NAV2: variants seen among roughly 807,000 people sequenced by gnomAD.
NAV2 encodes the protein neuron navigator 2, also known as helicase, APC down-regulated 1.
In NAV2, 54 loss-of-function variants were observed where a neutral mutation model predicts 223.2. The ratio of observed to expected loss-of-function variants is 0.24; its 90% CI spans 0.19 to 0.30. The LOEUF (loss-of-function observed/expected upper bound fraction) is 0.30. NAV2 is among the 10% of genes least tolerant of loss of function. The pLI is 1.00. For missense variants in NAV2, 2,806 were observed against 3,147.5 expected, an observed-to-expected ratio of 0.89 and a Z score of 2.60; for synonymous variants, 1,279 against 1,239.3, an observed-to-expected ratio of 1.03 and a Z score of -0.67.
intron 1 of NAV2, among the ~76,000 whole-genome samples, chr11:19,592,802 C>T (rs1279605734): frequency 6.6e-6 from 1 of 152,196 alleles, no homozygotes; most frequent in Non-Finnish European, 1.5e-5. Context: ...CATTTAGGCA[C>T]TGCTCTAAGC....
chr11:20,069,695 A>G (rs1434364812), intron 22 of NAV2, among the ~76,000 whole-genome samples: 2 of 152,130 alleles, frequency 1.3e-5, no homozygotes, highest in Non-Finnish European at 2.9e-5. Flanking sequence ...CCGTTGATAA[A>G]CGTGTTCAAG....
chr11:19,939,244 G>A (rs2046196295), intron 7 of NAV2, among the ~76,000 whole-genome samples: 3 of 152,156 alleles, frequency 2.0e-5, no homozygotes, highest in Admixed American at 2.0e-4. Flanking sequence ...GAATTTTGGG[G>A]TGGGGGAGCT....
chr11:19,387,684 A>G (rs1347617943), intron 1 of NAV2, among the ~76,000 whole-genome samples: 1 of 152,202 alleles, frequency 6.6e-6, no homozygotes, highest in Non-Finnish European at 1.5e-5. Context: ...GACTGGAGCC[A>G]TTTTAATGCC....
At chr11:19,620,648 A>T (rs994118486) in intron 1 of NAV2, among the ~76,000 whole-genome samples, 2 of 152,228 alleles carry the variant, frequency 1.3e-5, no homozygotes, top group African/African-American at 4.8e-5. Flanking sequence ...TATCAGCTTA[A>T]CGAGATTTAG....
intron 1 of NAV2, among the ~76,000 whole-genome samples, chr11:19,656,372 C>T (rs894163491): frequency 4.6e-5 from 7 of 152,174 alleles, no homozygotes; most frequent in Non-Finnish European, 8.8e-5. Context: ...GCAGAAGGGC[C>T]ATCAAATGCA....
In NAV2 at chr11:19,832,472, C is replaced by T. The variant is rs747044924; in HGVS notation, c.268-12C>T. The T allele has an allele frequency of 5.1e-6, 8 of 1,583,766 alleles. No homozygotes were observed. In the South Asian group the frequency reaches 7.8e-5, roughly 15 times the overall value. On this transcript the variant is annotated splice_polypyrimidine_tract_variant and intron_variant, in intron 1 of 37. Coordinates refer to ENST00000349880, the MANE Select transcript of NAV2 (RefSeq NM_145117.5). ...CTGGCTTCCTAAAGTTGCCTGTTTG[C>T]TTTTTTTACAGATCTACACAGACTG...
intron 1 of NAV2, among the ~76,000 whole-genome samples, chr11:19,582,763 C>T (rs2045762670): frequency 6.6e-6 from 1 of 152,186 alleles, no homozygotes; most frequent in South Asian, 2.1e-4. Context: ...GTTTTGGTTA[C>T]TGTAGCCTTG....
intron 27 of NAV2, 114 bp downstream of exon 27, chr11:20,091,132 T>C (rs1592099716): frequency 3.9e-5 from 42 of 1,085,424 alleles, no homozygotes; most frequent in African/African-American, 1.6e-5. Context: ...GCCCTCGCTT[T>C]CCCAGCCTTT....
At chr11:19,594,043 T>G (rs1189006682) in intron 1 of NAV2, among the ~76,000 whole-genome samples, 1 of 152,068 alleles carries the variant, frequency 6.6e-6, no homozygotes, top group Non-Finnish European at 1.5e-5. Flanking sequence ...ATGAGGAAGT[T>G]AGGGCACTGA....
chr11:19,430,068 G>A (rs941479414), intron 1 of NAV2, among the ~76,000 whole-genome samples: 2 of 152,174 alleles, frequency 1.3e-5, no homozygotes, highest in Non-Finnish European at 2.9e-5. Flanking sequence ...AGTTCAGGGA[G>A]CAATGGTGGG....
At chr11:19,473,281 A>T (rs10500849) in intron 1 of NAV2, among the ~76,000 whole-genome samples, 13,267 of 151,816 alleles carry the variant, frequency 0.087, 661 homozygotes, top group Admixed American at 0.13. Context: ...TAGGTCAGAC[A>T]TAGGCTCAGG....
chr11:19,678,614 A>T lies in NAV2; in HGVS notation c.76-153870A>T, dbSNP rs562185264. ...GAACCCGCGTCTGAGGAGCCCGCAGATGGGAAGGCAGCAGCTGTGTGATCA... is the reference window on the plus strand; with the variant it reads ...GAACCCGCGTCTGAGGAGCCCGCAGTTGGGAAGGCAGCAGCTGTGTGATCA... On this transcript the variant is annotated intron_variant, in intron 1 of 37. Coordinates refer to the NAV2 transcript ENST00000360655. Among the ~76,000 whole-genome samples, 6 of 152,356 alleles carry T rather than the reference A, an allele frequency of 3.9e-5. No individual in the cohort carries two copies. The South Asian group carries it at 1.0e-3, about 26-fold the overall frequency.
intron 1 of NAV2, among the ~76,000 whole-genome samples, chr11:19,363,543 A>G (rs1854084344): frequency 6.6e-6 from 1 of 152,174 alleles, no homozygotes; most frequent in Admixed American, 6.5e-5. Flanking sequence ...ATTGTGATTC[A>G]TTTCTATCCA....
intron 11 of NAV2, among the ~76,000 whole-genome samples, chr11:20,035,314 AAAAG>A (rs1158208683): frequency 6.6e-6 from 1 of 152,202 alleles, no homozygotes; most frequent in Non-Finnish European, 1.5e-5. Flanking sequence ...TACAAAAGAA[AAAAG>A]AAAGAAAGAA....
At chr11:20,021,963 C>G (rs185705053) in intron 11 of NAV2, among the ~76,000 whole-genome samples, 1 of 152,204 alleles carries the variant, frequency 6.6e-6, no homozygotes, top group African/African-American at 2.4e-5. Flanking sequence ...ACAGAGACCT[C>G]GCTTGGAGCC....
At position 20,106,208 on chromosome 11, in the gene NAV2, T is replaced by G. The variant is rs1442828676; in HGVS notation, c.6841+481T>G. 6.8e-4 allele frequency among the ~76,000 whole-genome samples: 65 copies of G among 95,076 alleles called. 3 individuals carry two copies. Among genetic ancestry groups the G allele is most frequent in the African/African-American group, 2.7e-3 (65 of 23,688 alleles). The allele number at this position is 95,076 out of a possible 152,430, so 62.4% of individuals were successfully genotyped here. A position where few individuals can be genotyped will look rare whatever the true frequency, so the allele number is the denominator to read the frequency against. On this transcript the variant is annotated intron_variant, in intron 35 of 37. Coordinates refer to ENST00000349880, the MANE Select transcript of NAV2 (RefSeq NM_145117.5). ...GTATATATATATATATATATATATA[T>G]ATATATATATATATATATATATGCT... is the stretch of plus-strand genomic sequence containing the variant.
intron 20 of NAV2, among the ~76,000 whole-genome samples, chr11:20,064,004 C>T (rs1399002417): frequency 1.3e-5 from 2 of 152,204 alleles, no homozygotes; most frequent in African/African-American, 4.8e-5. Context: ...CCTCACCCCT[C>T]CAACTCTAAA....
intron 22 of NAV2, among the ~76,000 whole-genome samples, chr11:20,071,635 AC>A (rs36072240): frequency 0.34 from 51,061 of 152,014 alleles, 9,577 homozygotes; most frequent in African/African-American, 0.51. Flanking sequence ...TTGTTCCTTG[AC>A]TTTTTAATGA....
intron 3 of NAV2, among the ~76,000 whole-genome samples, chr11:19,863,245 C>T (rs1010386756): frequency 6.6e-6 from 1 of 152,218 alleles, no homozygotes; most frequent in Non-Finnish European, 1.5e-5. Context: ...TCCATGTCAA[C>T]TCCTTTATGT....
Sources: allele counts gnomAD v4.1 joint callset (sites outside exome capture counted in the v4.1 genomes callset), GRCh38; gene constraint gnomAD v4.1.1; transcripts MANE v1.5; gene names NCBI Gene and HGNC (gene_info 2026-07-23, HGNC 2026-07-21).